Variants in DOK5 observed in about 807,000 individuals in gnomAD.
DOK5 encodes downstream of tyrosine kinase 5.
Under a neutral mutation model 43.3 loss-of-function variants are expected in DOK5, and 27 were observed. The ratio of observed to expected loss-of-function variants is 0.62; its 90% CI spans 0.46 to 0.86. The LOEUF is 0.86. Among genes scored for constraint, DOK5 ranks in the 40% least tolerant of loss-of-function variants. The pLI is 0.00. For missense variants in DOK5, 373 were observed against 392.9 expected (o/e 0.95, Z 0.43); for synonymous variants, 146 against 140.1 (o/e 1.04, Z -0.30).
At chr20:54,542,299 G>C (rs1294556509) in intron 1 of DOK5, among the ~76,000 whole-genome samples, 1 of 152,184 alleles carries the variant, frequency 6.6e-6, no homozygotes, top group African/African-American at 2.4e-5. Flanking sequence ...AATGATATCA[G>C]CTCTCAAATT....
rs931259439 is a variant in DOK5 at position 54,475,735 on chromosome 20, G to T, written c.-212G>T. 5.2e-5 allele frequency: 33 copies of T among 639,304 alleles called. No homozygotes were observed. Among genetic ancestry groups the T allele is most frequent in the Admixed American group, 8.9e-5 (3 of 33,752 alleles). 39.6% of individuals were successfully genotyped at this position (639,304 alleles called of 1,614,324 possible). A position where few individuals can be genotyped will look rare whatever the true frequency, so the allele number is the denominator to read the frequency against. Reference sequence around the variant, plus strand: ...CCCCGCGCCGCGCTCTGCGCTCCCCGAAAGTGGCTGCAAGCCGGCCGCCCA... The same window carrying T: ...CCCCGCGCCGCGCTCTGCGCTCCCCTAAAGTGGCTGCAAGCCGGCCGCCCA... On this transcript the variant is annotated 5_prime_UTR_variant, in exon 1 of 8. Transcript: ENST00000262593. This position sits in a 1 kb window ranked among gnomAD's most constrained non-coding sequence, Gnocchi z 4.2.
intron 1 of DOK5, among the ~76,000 whole-genome samples, chr20:54,537,215 A>T (rs1265618818): frequency 6.6e-6 from 1 of 152,242 alleles, no homozygotes; most frequent in African/African-American, 2.4e-5. Flanking sequence ...ACAAGAAGGC[A>T]TACTTTCCTA....
intron 6 of DOK5, 56 bp downstream of exon 6, chr20:54,610,579 G>C: frequency 7.3e-7 from 1 of 1,361,910 alleles, no homozygotes; most frequent in East Asian, 2.7e-5. Context: ...GAAAGCAATT[G>C]GGTCATTTTT....
At chr20:54,516,423 T>C (rs1388394723) in intron 1 of DOK5, among the ~76,000 whole-genome samples, 1 of 152,238 alleles carries the variant, frequency 6.6e-6, no homozygotes, top group Non-Finnish European at 1.5e-5. Context: ...AAGAGGCTTT[T>C]ACAACAGATG....
At chr20:54,616,055 G>C (rs2146799687) in intron 6 of DOK5, among the ~76,000 whole-genome samples, 2 of 152,240 alleles carry the variant, frequency 1.3e-5, no homozygotes, top group African/African-American at 4.8e-5. Flanking sequence ...GCCACCACTT[G>C]CTGGTAATTT....
At chr20:54,486,166 G>A (rs573960537) in intron 1 of DOK5, among the ~76,000 whole-genome samples, 1 of 152,112 alleles carries the variant, frequency 6.6e-6, no homozygotes, top group South Asian at 2.1e-4. Flanking sequence ...AGTAATTTTT[G>A]TATAAGGTGT....
At chr20:54,594,093 G>A (rs1036677252) in intron 5 of DOK5, among the ~76,000 whole-genome samples, 1 of 152,064 alleles carries the variant, frequency 6.6e-6, no homozygotes, top group African/African-American at 2.4e-5. Flanking sequence ...AAGTCACCAC[G>A]ACACAAATTT....
In DOK5 at chr20:54,591,708, G is replaced by A. The variant is rs1985981122; in HGVS notation, c.502G>A (p.Asp168Asn). 1 of 1,614,090 alleles carries A rather than the reference G, an allele frequency of 6.2e-7. No individual in the cohort carries two copies. Among genetic ancestry groups the A allele is most frequent in the African/African-American group, 1.3e-5 (1 of 74,942 alleles). ...QITYEYICLWDVQNPRVKLIS... is the reference protein window; with the variant it reads ...QITYEYICLWNVQNPRVKLIS... ...TACATATGAGTATATCTGTCTTTGG[G>A]ACGTCCAGAATCCCAGAGTCAAACT... Residue 168 changes from aspartate (D) to asparagine (N), a missense_variant, in exon 5 of 8, where the codon GAC (aspartate) becomes AAC (asparagine). Coordinates refer to ENST00000262593, the MANE Select transcript of DOK5 (RefSeq NM_018431.5).
At chr20:54,650,207 CA>C (rs2146839318) in intron 7 of DOK5, among the ~76,000 whole-genome samples, 1 of 152,280 alleles carries the variant, frequency 6.6e-6, no homozygotes, top group South Asian at 2.1e-4. Context: ...ATGGACTGAC[CA>C]TGGCTCAGCC....
chr20:54,582,834 G>T (rs991468563), intron 2 of DOK5, among the ~76,000 whole-genome samples: 1 of 151,520 alleles, frequency 6.6e-6, no homozygotes, highest in Admixed American at 6.6e-5. Flanking sequence ...GGTTTCACTG[G>T]TTTTTCCTAG....
intron 6 of DOK5, among the ~76,000 whole-genome samples, chr20:54,627,142 T>G (rs1978335673): frequency 6.6e-6 from 1 of 152,068 alleles, no homozygotes; most frequent in Admixed American, 6.5e-5. Context: ...TTTTTGCCAT[T>G]AAAACAATAC....
At chr20:54,553,312 C>T (rs144499737) in intron 1 of DOK5, among the ~76,000 whole-genome samples, 3,088 of 152,260 alleles carry the variant, frequency 0.02, 103 homozygotes, top group African/African-American at 0.07. Flanking sequence ...TCTCCTGCCT[C>T]AGCCTCCCAA....
chr20:54,627,368 T>C (rs73913640), intron 6 of DOK5, among the ~76,000 whole-genome samples: 1,660 of 152,354 alleles, frequency 0.011, 31 homozygotes, highest in African/African-American at 0.038. Flanking sequence ...TTTAAATCAG[T>C]GTTGCTGCCT....
chr20:54,484,564 C>T (rs991966522), intron 1 of DOK5, among the ~76,000 whole-genome samples: 1 of 152,140 alleles, frequency 6.6e-6, no homozygotes, highest in Admixed American at 6.6e-5. Flanking sequence ...AATATATTGA[C>T]AATGATACAA....
rs35834800 is a variant in DOK5, at chr20:54,605,024, T to TACAC, written c.600-5345_600-5342dup. ...CTCAAAAAAAAAAAATATATATATATACACACACACACACACACACACGTA... is the reference window on the plus strand; with the variant it reads ...CTCAAAAAAAAAAAATATATATATATACACACACACACACACACACACACACGTA... On this transcript the variant is annotated intron_variant, in intron 5 of 7. Coordinates refer to ENST00000262593, the MANE Select transcript of DOK5 (RefSeq NM_018431.5). Among the ~76,000 whole-genome samples the TACAC allele has an allele frequency of 5.5e-3, 731 of 132,462 alleles. 27 individuals carry two copies. The highest frequency in any genetic ancestry group is 0.047 in the Admixed American group (594 of 12,622). The allele number at this position is 132,462 out of a possible 152,430, so 86.9% of individuals were successfully genotyped here.
chr20:54,484,605 G>A (rs1981853838), intron 1 of DOK5, among the ~76,000 whole-genome samples: 1 of 152,148 alleles, frequency 6.6e-6, no homozygotes, highest in Non-Finnish European at 1.5e-5. Context: ...TCCCCTGGAG[G>A]ATCCTTCACA....
At chr20:54,540,477 A>G (rs1327104081) in intron 1 of DOK5, among the ~76,000 whole-genome samples, 1 of 152,104 alleles carries the variant, frequency 6.6e-6, no homozygotes, top group Non-Finnish European at 1.5e-5. Flanking sequence ...GCTAACCACT[A>G]TGGAGTGTTT....
Position 54,641,757 on chromosome 20 carries a change from C to A in DOK5, c.736-1701C>A, listed in dbSNP as rs564034794. On this transcript the variant is annotated intron_variant, in intron 6 of 7. Coordinates refer to ENST00000262593, the MANE Select transcript of DOK5 (RefSeq NM_018431.5). ...AACCCCCTGTGTCTCCTTCGTGGTACGACATATAAATGTTTCATTTCCAAT... is the reference window on the plus strand; with the variant it reads ...AACCCCCTGTGTCTCCTTCGTGGTAAGACATATAAATGTTTCATTTCCAAT... Among the ~76,000 whole-genome samples the A allele has an allele frequency of 6.6e-5, 10 of 152,220 alleles. No homozygotes were observed. In the East Asian group the frequency reaches 1.9e-3, roughly 29 times the overall value.
rs1277112150 is a variant in DOK5, at chr20:54,588,575, C to T, written c.267C>T (p.Ser89=). 1.2e-6 allele frequency: 2 copies of T among 1,614,022 alleles called. No individual in the cohort carries two copies. The highest frequency in any genetic ancestry group is 2.2e-5 in the East Asian group (1 of 44,882). Residue 89 remains serine (S), a synonymous_variant, in exon 3 of 8, where the codon TCC becomes TCT. Coordinates refer to ENST00000262593, the MANE Select transcript of DOK5 (RefSeq NM_018431.5). ...GGATTTATTTCAATGACGATACCTC[C>T]AAGACTTTTGCTTGCGAATCAGGTT... ...AIGIYFNDDT[S]KTFACESDLE...
Sources: allele counts gnomAD v4.1 joint callset (sites outside exome capture counted in the v4.1 genomes callset), GRCh38; gene constraint gnomAD v4.1.1; non-coding constraint Gnocchi (gnomAD v3.1); transcripts MANE v1.5; gene names NCBI Gene and HGNC (gene_info 2026-07-23, HGNC 2026-07-21).